The following RGSL1 variants were observed in gnomAD, a reference collection of about 807,000 sequenced individuals.
RGSL1 encodes regulator of G protein signaling like 1, also known as regulator of G protein signaling protein-like.
In RGSL1, 97 loss-of-function variants were observed where a neutral mutation model predicts 124.7. That is an observed-to-expected ratio of 0.78 (90% CI 0.66 to 0.92). The LOEUF (loss-of-function observed/expected upper bound fraction) is 0.92. Among genes scored for constraint, RGSL1 ranks in the 40% least tolerant of loss-of-function variants. The probability of loss-of-function intolerance (pLI) is 0.00; values close to 1 mark genes in which losing one functional copy is unlikely to be tolerated. For missense variants in RGSL1, 1,233 were observed against 1,288.4 expected (o/e 0.96, Z 0.66); for synonymous variants, 424 against 438.1 (o/e 0.97, Z 0.40).
intron 11 of RGSL1, 31 bp from the exon 12 acceptor site, chr1:182,530,213 T>C (rs1571666214): frequency 6.7e-7 from 1 of 1,498,636 alleles, no homozygotes; most frequent in Non-Finnish European, 9.0e-7. Flanking sequence ...AGATGAGGAT[T>C]ACAGCTTCTT....
upstream of RGSL1, chr1:182,448,248 G>T (rs11807308): frequency 6.5e-6 from 1 of 152,992 alleles, no homozygotes; most frequent in South Asian, 2.1e-4. Context: ...TTGAGACAGA[G>T]TCTCATTCTG....
In RGSL1 at chr1:182,558,718, G is replaced by C. The variant is rs117867361; in HGVS notation, c.*166-1561G>C. On this transcript the variant is annotated intron_variant, in intron 21 of 21. Transcript: ENST00000294854. ...AGCAATGGTGGGTCAAGTCCTGCCC[G>C]TTCTTTGAATTTCTCCTGCCTCTTC... 9.7e-4 allele frequency among the ~76,000 whole-genome samples: 147 copies of C among 152,212 alleles called. 3 individuals carry two copies. In the East Asian group the frequency reaches 0.014, roughly 15 times the overall value.
chr1:182,543,850 T>A lies in RGSL1; in HGVS notation c.2669+3429T>A, dbSNP rs556366663. Among the ~76,000 whole-genome samples, 6 of 152,060 alleles carry A rather than the reference T, an allele frequency of 3.9e-5. No homozygotes were observed. In the South Asian group the frequency reaches 1.2e-3, roughly 31 times the overall value. On this transcript the variant is annotated intron_variant, in intron 15 of 21. Transcript: ENST00000294854. ...GTTGTACATCATAATCTCTGATGAC[T>A]ATGTCTCTTTTTTGTTTCTGATTTT...
chr1:182,461,863 G>T (rs921660186), intron 4 of RGSL1, among the ~76,000 whole-genome samples: 4 of 152,158 alleles, frequency 2.6e-5, no homozygotes, highest in African/African-American at 9.7e-5. Context: ...GATGGGACTT[G>T]TGGGGCACCA....
chr1:182,483,479 A>ATG (rs1654864341), intron 6 of RGSL1, among the ~76,000 whole-genome samples: 1 of 152,180 alleles, frequency 6.6e-6, no homozygotes, highest in South Asian at 2.1e-4. Context: ...ATGTGTATAT[A>ATG]TAAAATAAAT....
At chr1:182,553,388 T>TTAGAGAGA in intron 18 of RGSL1, 67 bp from the exon 19 acceptor site, 6 of 1,203,550 alleles carry the variant, frequency 5.0e-6, no homozygotes, top group Non-Finnish European at 7.2e-6. Context: ...TATTGCTTAC[T>TTAGAGAGA]TAGAGAGATT....
intron 4 of RGSL1, among the ~76,000 whole-genome samples, chr1:182,472,098 A>C (rs1252977055): frequency 2.0e-5 from 3 of 152,182 alleles, no homozygotes; most frequent in African/African-American, 7.2e-5. Context: ...TTTGGACAAA[A>C]TTTAATTACT....
intron 4 of RGSL1, among the ~76,000 whole-genome samples, chr1:182,467,766 C>T (rs927560916): frequency 1.3e-5 from 2 of 152,028 alleles, no homozygotes; most frequent in African/African-American, 4.8e-5. Context: ...AATTGACAAA[C>T]AGGATCTAAT....
At chr1:182,479,634 C>T (rs1450514172) in intron 6 of RGSL1, among the ~76,000 whole-genome samples, 1 of 152,140 alleles carries the variant, frequency 6.6e-6, no homozygotes, top group African/African-American at 2.4e-5. Flanking sequence ...TGGCAACAGT[C>T]TTTACCTAAC....
At chr1:182,504,472 CTTTTTTTTTTT>C (rs60918424) in intron 9 of RGSL1, among the ~76,000 whole-genome samples, 2 of 59,518 alleles carry the variant, frequency 3.4e-5, no homozygotes, top group African/African-American at 1.3e-4. Flanking sequence ...ATGAGCCATA[CTTTTTTTTTTT>C]TTTTTTTTTT....
At chr1:182,520,301 G>A (rs1031379842) in intron 9 of RGSL1, among the ~76,000 whole-genome samples, 2 of 152,162 alleles carry the variant, frequency 1.3e-5, no homozygotes, top group Non-Finnish European at 2.9e-5. Flanking sequence ...AGTTCCAACT[G>A]AAAGTTTGAG....
chr1:182,474,888 T>TA (rs1278180995), intron 6 of RGSL1, among the ~76,000 whole-genome samples: 1 of 152,302 alleles, frequency 6.6e-6, no homozygotes, highest in East Asian at 1.9e-4. Flanking sequence ...GCATGCTTCT[T>TA]ATGAGAATCG....
In RGSL1 at chr1:182,472,439, G is replaced by C; in HGVS notation, c.345G>C (p.Leu115=). ...TCTGGATCCTTGCTGAGAACATCCT[G>C]AGCATAGATGAGATGGACCTGGAAG... ...VDFWILAENI[L]SIDEMDLEVR... is the part of the protein sequence containing the mutation. The change falls in exon 5 of 22, where the codon CTG becomes CTC. Residue 115 remains leucine, a synonymous_variant. Coordinates refer to ENST00000294854, the MANE Select transcript of RGSL1 (RefSeq NM_001137669.2). The C allele has an allele frequency of 3.9e-6, 6 of 1,550,946 alleles. No homozygotes were observed. Among genetic ancestry groups the C allele is most frequent in the Non-Finnish European group, 5.2e-6 (6 of 1,146,550 alleles).
intron 6 of RGSL1, among the ~76,000 whole-genome samples, chr1:182,482,453 TA>T (rs1654780177): frequency 6.6e-6 from 1 of 152,084 alleles, no homozygotes; most frequent in Non-Finnish European, 1.5e-5. Flanking sequence ...TGAAACTATA[TA>T]GAAAAAGTAA....
chr1:182,501,665 G>T (rs1397693115), intron 9 of RGSL1, among the ~76,000 whole-genome samples: 2 of 151,990 alleles, frequency 1.3e-5, no homozygotes, highest in Non-Finnish European at 2.9e-5. Flanking sequence ...ATATGTTCAC[G>T]TTGTATTGAG....
intron 4 of RGSL1, among the ~76,000 whole-genome samples, chr1:182,464,446 G>A (rs373918639): frequency 3.3e-5 from 5 of 152,130 alleles, no homozygotes; most frequent in African/African-American, 7.2e-5. Context: ...AAGACTGGCC[G>A]GGGGTGGTGG....
chr1:182,509,464 G>A (rs1490127352), intron 9 of RGSL1, among the ~76,000 whole-genome samples: 11 of 51,294 alleles, frequency 2.1e-4, no homozygotes, highest in African/African-American at 6.6e-4. Context: ...CCTCCCTCCC[G>A]GACGGGGCGG....
At chr1:182,490,568 T>C (rs960570431) in intron 8 of RGSL1, among the ~76,000 whole-genome samples, 2 of 152,184 alleles carry the variant, frequency 1.3e-5, no homozygotes, top group African/African-American at 4.8e-5. Context: ...TTCCACTCTC[T>C]CTCTAAATCC....
At chr1:182,448,630 G>T (rs191881980), upstream of RGSL1, among the ~76,000 whole-genome samples, 67 of 152,234 alleles carry the variant, frequency 4.4e-4, 1 homozygote, top group Admixed American at 5.2e-4. Flanking sequence ...CCAGGGGACG[G>T]TCCCGGCAAT....
Sources: allele counts gnomAD v4.1 joint callset (sites outside exome capture counted in the v4.1 genomes callset), GRCh38; gene constraint gnomAD v4.1.1; transcripts MANE v1.5; gene names NCBI Gene and HGNC (gene_info 2026-07-23, HGNC 2026-07-21).